Variants in CACNA1D observed in about 807,000 individuals in gnomAD.
The protein encoded by CACNA1D is voltage-dependent L-type calcium channel subunit alpha-1D.
In CACNA1D, 55 loss-of-function variants were observed where a neutral mutation model predicts 257.1. That is an observed-to-expected ratio of 0.21 (90% CI 0.17 to 0.27). The LOEUF is 0.27. Among genes scored for constraint, CACNA1D ranks in the 10% least tolerant of loss-of-function variants. CACNA1D has a pLI of 1.00. For synonymous variants in CACNA1D, 980 were observed against 1,014.9 expected (o/e 0.97, Z 0.65); for missense variants, 1,876 against 2,784.0 (o/e 0.67, Z 7.34).
At chr3:53,509,116 A>G (rs1476084572) in intron 3 of CACNA1D, among the ~76,000 whole-genome samples, 1 of 152,136 alleles carries the variant, frequency 6.6e-6, no homozygotes, top group African/African-American at 2.4e-5. Flanking sequence ...TTTTTAATTC[A>G]GGTGAGATTG....
intron 3 of CACNA1D, among the ~76,000 whole-genome samples, chr3:53,507,037 C>T (rs1048166831): frequency 5.1e-5 from 7 of 136,604 alleles, no homozygotes; most frequent in Non-Finnish European, 9.2e-5. Flanking sequence ...TGAGCCACTG[C>T]ACTCTAGCCT....
intron 21 of CACNA1D, among the ~76,000 whole-genome samples, chr3:53,740,726 AC>A (rs1183646912): frequency 6.6e-6 from 1 of 151,878 alleles, no homozygotes; most frequent in African/African-American, 2.4e-5. Context: ...GTTGAGAATT[AC>A]ATTTTGCTCA....
At chr3:53,760,422 A>G (rs2095294244) in intron 29 of CACNA1D, among the ~76,000 whole-genome samples, 1 of 152,218 alleles carries the variant, frequency 6.6e-6, no homozygotes, top group Non-Finnish European at 1.5e-5. Context: ...ATGCAGCACT[A>G]AATGTACCCC....
At chr3:53,783,672 C>T (rs1365886309) in intron 39 of CACNA1D, among the ~76,000 whole-genome samples, 8 of 152,222 alleles carry the variant, frequency 5.3e-5, no homozygotes, top group East Asian at 3.8e-4. Flanking sequence ...AGGCAGTGGC[C>T]ATCAGGCTTT....
chr3:53,721,746 C>A (rs2094884806), intron 11 of CACNA1D, among the ~76,000 whole-genome samples: 1 of 152,052 alleles, frequency 6.6e-6, no homozygotes, highest in South Asian at 2.1e-4. Flanking sequence ...TCAGCTTTGA[C>A]AACTCTGCCA....
intron 3 of CACNA1D, among the ~76,000 whole-genome samples, chr3:53,599,085 T>G (rs181174102): frequency 1.3e-5 from 2 of 152,334 alleles, no homozygotes; most frequent in Admixed American, 1.3e-4. Flanking sequence ...TAAAATAGTT[T>G]TCCAATGAAC....
At position 53,495,285 on chromosome 3, in the gene CACNA1D, C is replaced by G. The variant is rs771128878; in HGVS notation, c.67+52C>G. 6.2e-7 allele frequency: 1 copy of G among 1,605,074 alleles called. No individual in the cohort carries two copies. The highest frequency in any genetic ancestry group is 8.5e-7 in the Non-Finnish European group (1 of 1,173,594). ...CTGCCAAATCCGATCCTGTCATGGT[C>G]CTCCAGCCCCCTCCCCCTTCCCCGC... On this transcript the variant is annotated intron_variant, in intron 1 of 47. Transcript: ENST00000350061. The surrounding 1 kb of genome is among the most constrained non-coding windows in gnomAD (Gnocchi z 5.1).
At chr3:53,603,932 A>T (rs887570207) in intron 3 of CACNA1D, among the ~76,000 whole-genome samples, 1 of 152,206 alleles carries the variant, frequency 6.6e-6, no homozygotes, top group Admixed American at 6.5e-5. Context: ...TCTGACCTGG[A>T]TGCTCTAACA....
chr3:53,744,954 C>A (rs922640709), intron 23 of CACNA1D, 127 bp downstream of exon 23: 8 of 662,652 alleles, frequency 1.2e-5, no homozygotes, highest in Middle Eastern at 3.7e-4. Flanking sequence ...ACCTTTCTAA[C>A]CAATTCAGCC....
intron 3 of CACNA1D, among the ~76,000 whole-genome samples, chr3:53,502,754 A>C (rs2090659789): frequency 6.6e-6 from 1 of 152,184 alleles, no homozygotes; most frequent in Non-Finnish European, 1.5e-5. Context: ...TTGATGATTC[A>C]GAAGCCATTT....
chr3:53,810,536 C>A, intron 47 of CACNA1D: 1 of 553,454 alleles, frequency 1.8e-6, no homozygotes, highest in Non-Finnish European at 3.3e-6. Context: ...GCGGGTGGAT[C>A]ACCTGAGGTC....
intron 10 of CACNA1D, chr3:53,718,807 G>A (rs374460040): frequency 3.6e-5 from 49 of 1,346,876 alleles, no homozygotes; most frequent in Non-Finnish European, 4.2e-5. Context: ...AGCTTCTGTG[G>A]CAGAGTTGCT....
At chr3:53,621,808 T>C (rs1408697624) in intron 3 of CACNA1D, among the ~76,000 whole-genome samples, 2 of 151,920 alleles carry the variant, frequency 1.3e-5, no homozygotes, top group African/African-American at 4.8e-5. Context: ...GGGCAGAAAA[T>C]TTAACAGATA....
chr3:53,623,454 T>A (rs1394422137), intron 3 of CACNA1D, among the ~76,000 whole-genome samples: 1 of 152,214 alleles, frequency 6.6e-6, no homozygotes, highest in Non-Finnish European at 1.5e-5. Flanking sequence ...AAAATCCTAG[T>A]TGCACAATTT....
At chr3:53,517,287 C>T (rs951445760) in intron 3 of CACNA1D, among the ~76,000 whole-genome samples, 3 of 152,058 alleles carry the variant, frequency 2.0e-5, no homozygotes, top group Non-Finnish European at 2.9e-5. Flanking sequence ...GCCAGTGCCA[C>T]ATCTGGGACC....
chr3:53,721,451 G>A (rs1183548658), intron 11 of CACNA1D, among the ~76,000 whole-genome samples: 2 of 152,144 alleles, frequency 1.3e-5, no homozygotes, highest in African/African-American at 4.8e-5. Context: ...ACCTTTCCAC[G>A]GGATCTGGGT....
chr3:53,560,776 G>A (rs982574261), intron 3 of CACNA1D, among the ~76,000 whole-genome samples: 21 of 152,072 alleles, frequency 1.4e-4, no homozygotes, highest in Non-Finnish European at 2.4e-4. Flanking sequence ...TCTTACAACC[G>A]TTTAGTAGGT....
At chr3:53,779,364 G>GA (rs1452356559) in intron 37 of CACNA1D, among the ~76,000 whole-genome samples, 2 of 152,144 alleles carry the variant, frequency 1.3e-5, no homozygotes, top group Admixed American at 1.3e-4. Context: ...GTTCTCCAGA[G>GA]AAACAGAGCC....
At chr3:53,600,627 C>T (rs1387190008) in intron 3 of CACNA1D, among the ~76,000 whole-genome samples, 2 of 152,154 alleles carry the variant, frequency 1.3e-5, no homozygotes, top group Non-Finnish European at 2.9e-5. Context: ...TTTTAATCTG[C>T]TTATTATAAT....
Sources: allele counts gnomAD v4.1 joint callset (sites outside exome capture counted in the v4.1 genomes callset), GRCh38; gene constraint gnomAD v4.1.1; non-coding constraint Gnocchi (gnomAD v3.1); transcripts MANE v1.5; gene names NCBI Gene and HGNC (gene_info 2026-07-23, HGNC 2026-07-21).